TTC6: variants seen among roughly 807,000 people sequenced by gnomAD.
The protein encoded by TTC6 is tetratricopeptide repeat domain 6.
TTC6 carries 172 observed loss-of-function variants against 210.4 expected under a neutral mutation model. The observed-to-expected ratio is 0.82, with a 90% confidence interval of 0.72 to 0.93. The LOEUF (loss-of-function observed/expected upper bound fraction) is 0.93, where lower values mean the gene tolerates loss of function less well. Ranked by LOEUF, TTC6 falls within the 40% of genes least tolerant of loss-of-function variation. TTC6 has a pLI of 0.00. For synonymous variants in TTC6, 804 were observed against 819.6 expected (o/e 0.98, Z 0.32); for missense variants, 2,414 against 2,318.1 (o/e 1.04, Z -0.85).
At chr14:37,823,856 C>T in exon 27 of TTC6, 1 of 1,613,952 alleles carries the variant, frequency 6.2e-7, no homozygotes, top group Non-Finnish European at 8.5e-7. Flanking sequence ...GGAATACGGT[C>T]ATGATGAAGC....
Position 37,782,444 on chromosome 14 carries a change from A to G in TTC6, c.3267-5024A>G, listed in dbSNP as rs567403892. Among the ~76,000 whole-genome samples the G allele has an allele frequency of 2.0e-5, 3 of 152,250 alleles. No individual in the cohort carries two copies. The East Asian group carries it at 5.8e-4, about 29-fold the overall frequency. On this transcript the variant is annotated intron_variant, in intron 14 of 30. Transcript: ENST00000553443. The stretch of plus-strand genomic sequence containing the variant: ...CTCTCTGTTTATCTGTTATTGGTGT[A>G]TAGGAATGCATGTGATTTTTGCACA...
chr14:37,661,275 G>T (rs1439012012), intron 1 of TTC6, among the ~76,000 whole-genome samples: 2 of 152,100 alleles, frequency 1.3e-5, no homozygotes, highest in African/African-American at 2.4e-5. Context: ...CCTATGTCCT[G>T]AATGGTATTG....
At chr14:37,811,020 C>T (rs1019373271) in intron 24 of TTC6, among the ~76,000 whole-genome samples, 2 of 152,154 alleles carry the variant, frequency 1.3e-5, no homozygotes, top group Non-Finnish European at 2.9e-5. Flanking sequence ...TTCTCCAAAT[C>T]AAGGGGCTAG....
intron 3 of TTC6, among the ~76,000 whole-genome samples, chr14:37,693,114 T>C (rs992357075): frequency 9.2e-5 from 14 of 152,064 alleles, no homozygotes; most frequent in Non-Finnish European, 1.5e-4. Context: ...ATTATTCTTG[T>C]TTGCAGATGG....
intron 2 of TTC6, among the ~76,000 whole-genome samples, chr14:37,608,094 T>C (rs2095628352): frequency 6.6e-6 from 1 of 152,350 alleles, no homozygotes; most frequent in South Asian, 2.1e-4. Flanking sequence ...CATTAGCCAA[T>C]TGAAAATTTG....
chr14:37,721,255 G>A (rs2095861339), intron 6 of TTC6, among the ~76,000 whole-genome samples: 1 of 151,890 alleles, frequency 6.6e-6, no homozygotes, highest in Non-Finnish European at 1.5e-5. Flanking sequence ...TACTTTGAAT[G>A]GCTCTTTTAC....
chr14:37,825,270 C>T (rs867828126), intron 27 of TTC6, among the ~76,000 whole-genome samples: 1 of 152,100 alleles, frequency 6.6e-6, no homozygotes, highest in South Asian at 2.1e-4. Flanking sequence ...CTCAATTTGC[C>T]TGATTCCTTG....
intron 1 of TTC6, among the ~76,000 whole-genome samples, chr14:37,666,347 C>T (rs2095748004): frequency 6.7e-6 from 1 of 149,062 alleles, no homozygotes; most frequent in African/African-American, 2.4e-5. Flanking sequence ...GGCTCAGTGG[C>T]TTACACTGTA....
chr14:37,612,588 C>T (rs925769751), intron 2 of TTC6, among the ~76,000 whole-genome samples: 1 of 152,054 alleles, frequency 6.6e-6, no homozygotes, highest in African/African-American at 2.4e-5. Context: ...TTGGGAGAAT[C>T]GTGATTTTAA....
intron 5 of TTC6, among the ~76,000 whole-genome samples, chr14:37,712,771 C>T (rs1366581433): frequency 6.6e-6 from 1 of 152,130 alleles, no homozygotes; most frequent in Non-Finnish European, 1.5e-5. Context: ...AATTACCTCC[C>T]ACCGGGTCCC....
At chr14:37,600,531 C>T (rs1402157176) in intron 1 of TTC6, among the ~76,000 whole-genome samples, 1 of 152,154 alleles carries the variant, frequency 6.6e-6, no homozygotes, top group Non-Finnish European at 1.5e-5. Context: ...CACGGTCTTT[C>T]AGTTGTCCCT....
intron 21 of TTC6, among the ~76,000 whole-genome samples, chr14:37,805,305 TGG>T (rs2096115766): frequency 6.6e-6 from 1 of 152,152 alleles, no homozygotes; most frequent in African/African-American, 2.4e-5. Flanking sequence ...ATCCAGTCTT[TGG>T]TGATTTTAGG....
At chr14:37,800,961 G>T (rs1184149018) in intron 20 of TTC6, among the ~76,000 whole-genome samples, 1 of 152,092 alleles carries the variant, frequency 6.6e-6, no homozygotes, top group Non-Finnish European at 1.5e-5. Flanking sequence ...GGACCCAGAA[G>T]GCAAGACTAG....
chr14:37,600,504 A>T (rs1226252549), intron 1 of TTC6, among the ~76,000 whole-genome samples: 1 of 149,078 alleles, frequency 6.7e-6, no homozygotes, highest in African/African-American at 2.5e-5. Context: ...CTCCCCCCAC[A>T]CACCCAGGAG....
At chr14:37,657,884 C>T (rs892433301) in intron 1 of TTC6, among the ~76,000 whole-genome samples, 2 of 152,106 alleles carry the variant, frequency 1.3e-5, no homozygotes, top group Admixed American at 6.5e-5. Flanking sequence ...CCGTTAAAAA[C>T]ATTTTTGTCT....
chr14:37,603,028 G>C (rs2095618699), intron 1 of TTC6, among the ~76,000 whole-genome samples: 1 of 152,170 alleles, frequency 6.6e-6, no homozygotes, highest in African/African-American at 2.4e-5. Flanking sequence ...TTGAAGGTCA[G>C]TTTACACTGC....
exon 11 of TTC6, chr14:37,749,302 A>G: frequency 1.3e-6 from 2 of 1,522,606 alleles, no homozygotes; most frequent in Non-Finnish European, 1.8e-6. Context: ...CTGAAGAAAT[A>G]AATGATAAGA....
At chr14:37,698,410 T>C (rs1443933300) in intron 4 of TTC6, among the ~76,000 whole-genome samples, 1 of 152,190 alleles carries the variant, frequency 6.6e-6, no homozygotes, top group Non-Finnish European at 1.5e-5. Context: ...ATCAGTAATG[T>C]AATCTCAAAC....
At chr14:37,670,933 C>T (rs1197475713) in intron 1 of TTC6, among the ~76,000 whole-genome samples, 3 of 152,134 alleles carry the variant, frequency 2.0e-5, no homozygotes, top group African/African-American at 7.2e-5. Flanking sequence ...CATGAAATAT[C>T]TGAAGAGCTA....
Sources: gnomAD v4.1 joint callset for allele counts (sites outside exome capture counted in the v4.1 genomes callset) on GRCh38, gnomAD v4.1.1 for gene constraint, MANE v1.5 for transcripts, NCBI Gene and HGNC (gene_info 2026-07-23, HGNC 2026-07-21) for gene names.